The following C18orf63 variants were observed in gnomAD, a reference collection of about 807,000 sequenced individuals.
C18orf63 encodes the protein uncharacterized protein C18orf63.
Under a neutral mutation model 75.3 loss-of-function variants are expected in C18orf63, and 50 were observed. The ratio of observed to expected loss-of-function variants is 0.66; its 90% CI spans 0.53 to 0.84. The LOEUF (loss-of-function observed/expected upper bound fraction) is 0.84, where lower values mean the gene tolerates loss of function less well. Ranked by LOEUF, C18orf63 falls within the 40% of genes least tolerant of loss-of-function variation. The pLI is 0.00. For missense variants in C18orf63, 732 were observed against 800.2 expected (o/e 0.91, Z 1.03); for synonymous variants, 232 against 267.6 (o/e 0.87, Z 1.30).
intron 7 of C18orf63, among the ~76,000 whole-genome samples, chr18:74,332,860 A>G (rs1165209346): frequency 1.3e-5 from 2 of 152,158 alleles, no homozygotes; most frequent in Non-Finnish European, 2.9e-5. Context: ...ATTTCCTTAT[A>G]AGAAGCATCA....
At chr18:74,332,722 A>G (rs2145121374) in intron 7 of C18orf63, among the ~76,000 whole-genome samples, 1 of 151,866 alleles carries the variant, frequency 6.6e-6, no homozygotes, top group Middle Eastern at 3.4e-3. Flanking sequence ...AGAGGGGAAA[A>G]AAAAAAAAAA....
In C18orf63 at chr18:74,353,627, G is replaced by T. The variant is rs1235486859; in HGVS notation, c.1360G>T (p.Gly454Cys). 6.5e-7 allele frequency: 1 copy of T among 1,536,146 alleles called. No homozygotes were observed. Among genetic ancestry groups the T allele is most frequent in the East Asian group, 2.4e-5 (1 of 40,918 alleles). Residue 454 changes from glycine to cysteine, a missense_variant, in exon 12 of 14, where the codon GGC becomes TGC. Coordinates refer to ENST00000579455, the MANE Select transcript of C18orf63 (RefSeq NM_001174123.2). ...LQMNKNTSVLGSPKRKQHDVT... is the reference protein window; with the variant it reads ...LQMNKNTSVLCSPKRKQHDVT... ...AATGAACAAAAATACCTCAGTACTT[G>T]GCAGCCCAAAAAGAAAACAGCATGA...
chr18:74,342,417 C>A (rs1210968796), intron 10 of C18orf63, 91 bp downstream of exon 10: 1 of 736,782 alleles, frequency 1.4e-6, no homozygotes, highest in African/African-American at 1.8e-5. Flanking sequence ...TTTCAACCTT[C>A]TTTCTCTGTG....
Position 74,354,037 on chromosome 18 carries a change from GAA to G in C18orf63, c.1773_1774del (p.Arg592ThrfsTer6). On this transcript the variant is annotated frameshift_variant, in exon 12 of 14. Transcript: ENST00000579455. LOFTEE classifies it high-confidence loss of function. ...LGKSHGSLKL[K>X]RQPHIFESDG... ...GGAAAAGCCATGGGTCACTAAAACT[GAA>G]AAGACAGCCACACATTTTTGAATCA... 1 of 1,536,306 alleles carries G rather than the reference GAA, an allele frequency of 6.5e-7. No individual in the cohort carries two copies. The highest frequency in any genetic ancestry group is 8.7e-7 in the Non-Finnish European group (1 of 1,146,916).
chr18:74,339,415 AT>A (rs1984443372), intron 8 of C18orf63, among the ~76,000 whole-genome samples: 1 of 152,118 alleles, frequency 6.6e-6, no homozygotes, highest in Non-Finnish European at 1.5e-5. Context: ...ATTAGTCATT[AT>A]TTTGTGCTTA....
intron 2 of C18orf63, among the ~76,000 whole-genome samples, chr18:74,319,741 A>G (rs1178808555): frequency 1.3e-5 from 2 of 151,604 alleles, no homozygotes; most frequent in Admixed American, 1.3e-4. Flanking sequence ...CCTGCCCACC[A>G]CCTTTTTTTT....
chr18:74,347,079 T>C (rs1009611704), intron 11 of C18orf63, among the ~76,000 whole-genome samples: 1 of 152,350 alleles, frequency 6.6e-6, no homozygotes, highest in East Asian at 1.9e-4. Context: ...CTGCCTGAAT[T>C]TGAACCTCTT....
intron 2 of C18orf63, among the ~76,000 whole-genome samples, chr18:74,318,740 A>T (rs1984069331): frequency 6.6e-6 from 1 of 151,930 alleles, no homozygotes; most frequent in Non-Finnish European, 1.5e-5. Flanking sequence ...CAGTGAGCCA[A>T]GACTGTGCCA....
rs528304558 is a variant in C18orf63, at chr18:74,342,813, T to A, written c.794+487T>A. On this transcript the variant is annotated intron_variant, in intron 10 of 13. Coordinates refer to ENST00000579455, the MANE Select transcript of C18orf63 (RefSeq NM_001174123.2). Reference sequence around the variant, plus strand: ...AAAATATCTTTTAAACAATATTTTTTAAAATCGAAATATACACACGAGAAG... The same window carrying A: ...AAAATATCTTTTAAACAATATTTTTAAAAATCGAAATATACACACGAGAAG... 1.6e-3 allele frequency among the ~76,000 whole-genome samples: 251 copies of A among 152,274 alleles called. 1 individual carries two copies. Among genetic ancestry groups the A allele is most frequent in the African/African-American group, 5.8e-3 (243 of 41,562 alleles).
At position 74,353,234 on chromosome 18, in the gene C18orf63, T is replaced by C. The variant is rs1320608457; in HGVS notation, c.979-12T>C. Reference sequence around the variant, plus strand: ...ACATTTTAAATTTTTTTTTAATCTCTATCCTTTTCAGGAACACAAAGTCAA... The same window carrying C: ...ACATTTTAAATTTTTTTTTAATCTCCATCCTTTTCAGGAACACAAAGTCAA... On this transcript the variant is annotated splice_polypyrimidine_tract_variant and intron_variant, in intron 11 of 13. Coordinates refer to ENST00000579455, the MANE Select transcript of C18orf63 (RefSeq NM_001174123.2). The C allele has an allele frequency of 3.3e-6, 5 of 1,515,962 alleles. No homozygotes were observed. The East Asian group carries it at 1.2e-4, about 37-fold the overall frequency. 93.9% of individuals were successfully genotyped at this position (1,515,962 alleles called of 1,614,324 possible).
At position 74,343,712 on chromosome 18, in the gene C18orf63, C is replaced by G. The variant is rs1233836620; in HGVS notation, c.978+10C>G. 6.8e-7 allele frequency: 1 copy of G among 1,473,218 alleles called. No individual in the cohort carries two copies. The highest frequency in any genetic ancestry group is 1.4e-5 in the African/African-American group (1 of 70,608). The allele number at this position is 1,473,218 out of a possible 1,614,324, so 91.3% of individuals were successfully genotyped here. A position where few individuals can be genotyped will look rare whatever the true frequency, so the allele number is the denominator to read the frequency against. On this transcript the variant is annotated intron_variant, in intron 11 of 13. Transcript: ENST00000579455. ...TAAACCTAATATACAGGTAAGAGAT[C>G]TCTTGTCCTATCTAGTTCTCCAAGA...
chr18:74,353,294 GCATCT>G lies in C18orf63; in HGVS notation c.1029_1033del (p.Ser344AspfsTer50). On this transcript the variant is annotated frameshift_variant, in exon 12 of 14. Coordinates refer to ENST00000579455, the MANE Select transcript of C18orf63 (RefSeq NM_001174123.2). LOFTEE classifies it high-confidence loss of function. The stretch of plus-strand genomic sequence containing the variant: ...TTTGACCACTAAAAAAATGCTTAGG[GCATCT>G]CTGACTCAAGCCACTTCCAGAAAGC... The G allele has an allele frequency of 6.5e-7, 1 of 1,536,258 alleles. No homozygotes were observed. The highest frequency in any genetic ancestry group is 8.7e-7 in the Non-Finnish European group (1 of 1,146,938).
chr18:74,352,222 G>A (rs1357907981), intron 11 of C18orf63, among the ~76,000 whole-genome samples: 1 of 152,122 alleles, frequency 6.6e-6, no homozygotes, highest in Non-Finnish European at 1.5e-5. Flanking sequence ...AAGTAAAATA[G>A]AGGTTACCAG....
chr18:74,341,925 G>A, intron 8 of C18orf63, 107 bp from the exon 9 acceptor site: 4 of 613,618 alleles, frequency 6.5e-6, no homozygotes, highest in Non-Finnish European at 1.1e-5. Context: ...TATATAGCTA[G>A]TGAGATAGTT....
At chr18:74,336,953 A>G (rs1425115495) in intron 7 of C18orf63, among the ~76,000 whole-genome samples, 1 of 151,996 alleles carries the variant, frequency 6.6e-6, no homozygotes. Flanking sequence ...TGTTGCTCTA[A>G]TTCAGACTCT....
At chr18:74,339,001 A>G (rs1171405616) in intron 8 of C18orf63, among the ~76,000 whole-genome samples, 177 bp downstream of exon 8, 1 of 151,976 alleles carries the variant, frequency 6.6e-6, no homozygotes, top group Non-Finnish European at 1.5e-5. Context: ...AAAGCCATGA[A>G]TTTTCTTTAT....
In C18orf63 at chr18:74,353,294, G is replaced by T; in HGVS notation, c.1027G>T (p.Ala343Ser). 1 of 1,536,258 alleles carries T rather than the reference G, an allele frequency of 6.5e-7. No homozygotes were observed. The highest frequency in any genetic ancestry group is 8.7e-7 in the Non-Finnish European group (1 of 1,146,938). ...PNLTTKKMLR[A>S]SLTQATSRKP... is the part of the protein sequence containing the mutation. ...TTTGACCACTAAAAAAATGCTTAGG[G>T]CATCTCTGACTCAAGCCACTTCCAG... Residue 343 changes from alanine (A) to serine (S), a missense_variant, in exon 12 of 14, where the codon GCA becomes TCA. Coordinates refer to ENST00000579455, the MANE Select transcript of C18orf63 (RefSeq NM_001174123.2).
chr18:74,317,314 A>C (rs1984043019), intron 1 of C18orf63, among the ~76,000 whole-genome samples: 1 of 152,228 alleles, frequency 6.6e-6, no homozygotes, highest in Admixed American at 6.5e-5. Flanking sequence ...CTGTGCCTCC[A>C]ATAGAATTTG....
In C18orf63 at chr18:74,357,505, ATTG is replaced by A. The variant is rs1474679103; in HGVS notation, c.*1063_*1065del. 1.3e-5 allele frequency: 2 copies of A among 152,222 alleles called. No individual in the cohort carries two copies. Among genetic ancestry groups the A allele is most frequent in the Non-Finnish European group, 2.9e-5 (2 of 68,036 alleles). The allele number at this position is 152,222 out of a possible 1,614,324, so 9.4% of individuals were successfully genotyped here. On this transcript the variant is annotated 3_prime_UTR_variant, in exon 14 of 14. Coordinates refer to ENST00000579455, the MANE Select transcript of C18orf63 (RefSeq NM_001174123.2). Reference sequence around the variant, plus strand: ...TGTTTGATATACGAAATATTATATAATTGTTGTAATATATTTAAAAGAAACCAA... The same window carrying A: ...TGTTTGATATACGAAATATTATATAATTGTAATATATTTAAAAGAAACCAA...
Sources: gnomAD v4.1 joint callset for allele counts (sites outside exome capture counted in the v4.1 genomes callset) on GRCh38, gnomAD v4.1.1 for gene constraint, MANE v1.5 for transcripts, NCBI Gene and HGNC (gene_info 2026-07-23, HGNC 2026-07-21) for gene names.